Variants in SMIM10L3 observed in about 807,000 individuals in gnomAD.
The protein encoded by SMIM10L3 is small integral membrane protein 10 like 3, also known as salivary gland specific protein SAGSIN1.
chr7:6,330,428 C>T, the SMIM10L3 span: 1 of 1,614,044 alleles, frequency 6.2e-7, no homozygotes, highest in Admixed American at 1.7e-5. Flanking sequence ...GCCAGTAACC[C>T]CAGTGTTATC....
At chr7:6,338,603 CGAG>C in the SMIM10L3 span, 1 of 152,232 alleles carries the variant, frequency 6.6e-6, no homozygotes, top group Non-Finnish European at 1.5e-5. Flanking sequence ...CCAGGGGAAA[CGAG>C]GCTGTCCAGG....
chr7:6,342,780 T>C, the SMIM10L3 span, among the ~76,000 whole-genome samples: 1 of 152,060 alleles, frequency 6.6e-6, no homozygotes, highest in Non-Finnish European at 1.5e-5. Flanking sequence ...CTCACACTTG[T>C]AATCTCAGCA....
At chr7:6,329,433 G>C in the SMIM10L3 span, 5 of 152,408 alleles carry the variant, frequency 3.3e-5, no homozygotes, top group Non-Finnish European at 5.9e-5. Flanking sequence ...TATTTATTAA[G>C]CTAAAGAACA....
chr7:6,333,677 T>C, the SMIM10L3 span, among the ~76,000 whole-genome samples: 5,237 of 151,470 alleles, frequency 0.035, 313 homozygotes, highest in African/African-American at 0.12. Context: ...TTTTTTTTTT[T>C]CAGAGCAGGA....
chr7:6,335,505 G>A, the SMIM10L3 span, among the ~76,000 whole-genome samples: 1 of 151,302 alleles, frequency 6.6e-6, no homozygotes, highest in Admixed American at 6.7e-5. Flanking sequence ...TGGGACTACA[G>A]GTGTGAGCCT....
the SMIM10L3 span, among the ~76,000 whole-genome samples, chr7:6,336,170 C>T: frequency 1.0e-5 from 1 of 99,274 alleles, no homozygotes; most frequent in African/African-American, 7.8e-5. Flanking sequence ...GAGATTTTGC[C>T]TCAAAAAAAA....
At chr7:6,348,894 A>C in the SMIM10L3 span, 1 of 387,712 alleles carries the variant, frequency 2.6e-6, no homozygotes, top group African/African-American at 2.1e-5. Context: ...GCCGCAGTGG[A>C]GCGGAGTCCG....
the SMIM10L3 span, among the ~76,000 whole-genome samples, chr7:6,345,983 GGTCTTA>G: frequency 6.6e-6 from 1 of 151,970 alleles, no homozygotes; most frequent in Non-Finnish European, 1.5e-5. Context: ...TGTCCAGGCT[GGTCTTA>G]AACTCCTGAC....
chr7:6,330,579 C>G, the SMIM10L3 span: 2 of 1,614,158 alleles, frequency 1.2e-6, no homozygotes, highest in South Asian at 1.1e-5. Context: ...GCGTTGCAGA[C>G]AGGATGGAGT....
chr7:6,331,479 T>C, the SMIM10L3 span, among the ~76,000 whole-genome samples: 1 of 151,780 alleles, frequency 6.6e-6, no homozygotes, highest in South Asian at 2.1e-4. Flanking sequence ...AGGTTTTTGT[T>C]TTTTTGAGAC....
At chr7:6,330,615 G>C in the SMIM10L3 span, 1 of 1,614,144 alleles carries the variant, frequency 6.2e-7, no homozygotes, top group South Asian at 1.1e-5. Flanking sequence ...CCAACTCAGA[G>C]CCCAGACCCT....
At chr7:6,339,207 C>A in the SMIM10L3 span, among the ~76,000 whole-genome samples, 15 of 152,160 alleles carry the variant, frequency 9.9e-5, no homozygotes, top group Non-Finnish European at 2.2e-4. Context: ...GTGGCTCACA[C>A]CTGTAATCCC....
the SMIM10L3 span, among the ~76,000 whole-genome samples, chr7:6,331,990 T>C: frequency 3.3e-5 from 5 of 151,690 alleles, no homozygotes; most frequent in African/African-American, 1.2e-4. Flanking sequence ...CAGGTGTCTG[T>C]AATCCCAGCT....
chr7:6,333,315 G>A, the SMIM10L3 span, among the ~76,000 whole-genome samples: 1 of 152,138 alleles, frequency 6.6e-6, no homozygotes, highest in Non-Finnish European at 1.5e-5. Context: ...AGCCAGCCGA[G>A]AAGCTTCAGC....
At chr7:6,332,116 A>G in the SMIM10L3 span, among the ~76,000 whole-genome samples, 1 of 145,606 alleles carries the variant, frequency 6.9e-6, no homozygotes, top group South Asian at 2.1e-4. Flanking sequence ...TCTCACGGAA[A>G]AAAAAAAAAA....
chr7:6,335,369 C>T, the SMIM10L3 span, among the ~76,000 whole-genome samples: 2 of 150,422 alleles, frequency 1.3e-5, no homozygotes, highest in African/African-American at 4.9e-5. Context: ...ATTACAAGCG[C>T]CCGCCACCAC....
the SMIM10L3 span, among the ~76,000 whole-genome samples, chr7:6,336,857 T>TTGTCTTGAACTCCTG: frequency 6.6e-6 from 1 of 151,994 alleles, no homozygotes; most frequent in East Asian, 1.9e-4. Context: ...TGTTTTGCCA[T>TTGTCTTGAACTCCTG]GTCCTAGGCT....
the SMIM10L3 span, among the ~76,000 whole-genome samples, chr7:6,333,972 A>C: frequency 6.7e-6 from 1 of 148,170 alleles, no homozygotes; most frequent in Non-Finnish European, 1.5e-5. Context: ...TCAGCCTCCC[A>C]AGTAGCTGGG....
chr7:6,345,488 C>T, the SMIM10L3 span, among the ~76,000 whole-genome samples: 20 of 151,844 alleles, frequency 1.3e-4, no homozygotes, highest in Non-Finnish European at 2.2e-4. Context: ...ATAGTCCAGG[C>T]GAGTGGATAC....
Sources: gnomAD v4.1 joint callset for allele counts (sites outside exome capture counted in the v4.1 genomes callset) on GRCh38, gnomAD v4.1.1 for gene constraint, MANE v1.5 for transcripts, NCBI Gene and HGNC (gene_info 2026-07-23, HGNC 2026-07-21) for gene names.